Variants in CECR2 observed in about 807,000 individuals in gnomAD.
CECR2 encodes the protein chromatin remodeling regulator CECR2.
Under a neutral mutation model 154.5 loss-of-function variants are expected in CECR2, and 30 were observed. That is an observed-to-expected ratio of 0.19 (90% CI 0.15 to 0.26). The LOEUF (loss-of-function observed/expected upper bound fraction) is 0.26. Among genes scored for constraint, CECR2 ranks in the 10% least tolerant of loss-of-function variants. CECR2 has a pLI of 1.00. For synonymous variants in CECR2, 725 were observed against 683.7 expected (o/e 1.06, Z -0.94); for missense variants, 1,743 against 1,829.3 (o/e 0.95, Z 0.86).
At chr22:17,466,148 C>T (rs945816247) in intron 1 of CECR2, among the ~76,000 whole-genome samples, 14 of 151,896 alleles carry the variant, frequency 9.2e-5, no homozygotes, top group African/African-American at 3.1e-4. Flanking sequence ...GACAGGGTTT[C>T]GCTATGTTGG....
At chr22:17,546,732 A>G (rs550443820) in intron 16 of CECR2, among the ~76,000 whole-genome samples, 1 of 151,836 alleles carries the variant, frequency 6.6e-6, no homozygotes, top group Non-Finnish European at 1.5e-5. Context: ...CTGTCCTCCT[A>G]GAAAGATAAT....
chr22:17,510,475 AAAAG>A (rs1334336857), intron 7 of CECR2, among the ~76,000 whole-genome samples: 3 of 152,164 alleles, frequency 2.0e-5, no homozygotes, highest in Non-Finnish European at 4.4e-5. Flanking sequence ...ATGAAAAAAA[AAAAG>A]AGCTTATAGG....
chr22:17,391,663 A>G (rs1416530869), intron 1 of CECR2, among the ~76,000 whole-genome samples: 2 of 152,266 alleles, frequency 1.3e-5, no homozygotes, highest in African/African-American at 4.8e-5. Flanking sequence ...TATGGAAATT[A>G]TAATCATTTG....
intron 8 of CECR2, among the ~76,000 whole-genome samples, chr22:17,521,258 C>T (rs567127567): frequency 2.6e-4 from 39 of 152,022 alleles, no homozygotes; most frequent in Middle Eastern, 3.2e-3. Flanking sequence ...AGCATCTGTT[C>T]GGCCGGGCGC....
intron 16 of CECR2, among the ~76,000 whole-genome samples, chr22:17,546,434 C>G (rs191244197): frequency 1.4e-5 from 2 of 142,464 alleles, no homozygotes; most frequent in Non-Finnish European, 3.0e-5. Flanking sequence ...TGCAGTGAGC[C>G]GAGATCGCGC....
chr22:17,532,150 C>T (rs2056365239), intron 9 of CECR2, among the ~76,000 whole-genome samples: 1 of 152,122 alleles, frequency 6.6e-6, no homozygotes, highest in African/African-American at 2.4e-5. Flanking sequence ...GCCTGGGCAA[C>T]AGCAAGACCC....
intron 2 of CECR2, among the ~76,000 whole-genome samples, chr22:17,490,285 G>C (rs773381566): frequency 6.6e-6 from 1 of 151,768 alleles, no homozygotes; most frequent in African/African-American, 2.4e-5. Context: ...GATGTGTAGC[G>C]GTAGCTTTGT....
At chr22:17,389,801 T>C (rs560790217) in intron 1 of CECR2, among the ~76,000 whole-genome samples, 1 of 152,238 alleles carries the variant, frequency 6.6e-6, no homozygotes, top group African/African-American at 2.4e-5. Flanking sequence ...CTAATTTTTG[T>C]GTTTTTAGTA....
chr22:17,457,934 A>G (rs2054879029), intron 1 of CECR2, among the ~76,000 whole-genome samples: 1 of 152,250 alleles, frequency 6.6e-6, no homozygotes, highest in African/African-American at 2.4e-5. Context: ...TTTCATTTAC[A>G]TATAACATCA....
At chr22:17,415,105 G>T (rs996172546) in intron 1 of CECR2, among the ~76,000 whole-genome samples, 2 of 152,152 alleles carry the variant, frequency 1.3e-5, no homozygotes, top group African/African-American at 2.4e-5. Flanking sequence ...GTGCCTAGCG[G>T]TGGGCACTAT....
chr22:17,456,625 T>C (rs189398665), intron 1 of CECR2, among the ~76,000 whole-genome samples: 1 of 152,236 alleles, frequency 6.6e-6, no homozygotes, highest in Non-Finnish European at 1.5e-5. Context: ...AATTCCTGTT[T>C]TCCTCAGAAA....
At position 17,471,203 on chromosome 22, in the gene CECR2, A is replaced by G. The variant is rs976156088; in HGVS notation, c.127-6385A>G. Among the ~76,000 whole-genome samples, 3 of 152,182 alleles carry G rather than the reference A, an allele frequency of 2.0e-5. No individual in the cohort carries two copies. The East Asian group carries it at 5.8e-4, about 29-fold the overall frequency. The stretch of plus-strand genomic sequence containing the variant: ...AGCCACACACCGTGGAACCCAGGGA[A>G]CACTCACATCCTAATTGGAAAATTG... On this transcript the variant is annotated intron_variant, in intron 1 of 18. Coordinates refer to ENST00000262608, the MANE Select transcript of CECR2 (RefSeq NM_001290047.2).
At chr22:17,503,936 A>G (rs1354009740) in intron 6 of CECR2, among the ~76,000 whole-genome samples, 1 of 151,912 alleles carries the variant, frequency 6.6e-6, no homozygotes, top group Non-Finnish European at 1.5e-5. Flanking sequence ...AATCCCAACT[A>G]CTCGGGAGGC....
At chr22:17,523,419 T>G (rs189632136) in intron 8 of CECR2, among the ~76,000 whole-genome samples, 3 of 151,810 alleles carry the variant, frequency 2.0e-5, no homozygotes, top group Non-Finnish European at 2.9e-5. Flanking sequence ...GTGACTGTCT[T>G]TCATCCTAGT....
intron 1 of CECR2, among the ~76,000 whole-genome samples, chr22:17,395,684 G>A (rs1449975379): frequency 6.6e-6 from 1 of 151,966 alleles, no homozygotes; most frequent in East Asian, 1.9e-4. Flanking sequence ...GCATTGAGTA[G>A]GAATATTATC....
At chr22:17,536,977 G>A in intron 9 of CECR2, 126 bp from the exon 10 acceptor site, 1 of 1,054,464 alleles carries the variant, frequency 9.5e-7, no homozygotes, top group South Asian at 1.7e-5. Context: ...GTGGCACAGG[G>A]AGCAGAAGTT....
chr22:17,407,933 A>T (rs1306971041), intron 1 of CECR2, among the ~76,000 whole-genome samples: 2 of 152,226 alleles, frequency 1.3e-5, no homozygotes, highest in East Asian at 1.9e-4. Context: ...TTGAGTTTTC[A>T]TTAGAACATG....
At chr22:17,483,995 G>T (rs773196754) in intron 2 of CECR2, among the ~76,000 whole-genome samples, 37 of 152,142 alleles carry the variant, frequency 2.4e-4, no homozygotes, top group Non-Finnish European at 4.6e-4. Flanking sequence ...CATTACAGTG[G>T]CTTACAGTAT....
At chr22:17,431,200 T>G (rs1214626700) in intron 1 of CECR2, among the ~76,000 whole-genome samples, 1 of 152,218 alleles carries the variant, frequency 6.6e-6, no homozygotes, top group Non-Finnish European at 1.5e-5. Context: ...TATATCTTAT[T>G]TCATTTAGCT....
Sources: gnomAD v4.1 joint callset for allele counts (sites outside exome capture counted in the v4.1 genomes callset) on GRCh38, gnomAD v4.1.1 for gene constraint, MANE v1.5 for transcripts, NCBI Gene and HGNC (gene_info 2026-07-23, HGNC 2026-07-21) for gene names.